PTPRC: variants seen among roughly 807,000 people sequenced by gnomAD.
PTPRC encodes receptor-type tyrosine-protein phosphatase C.
Under a neutral mutation model 155.9 loss-of-function variants are expected in PTPRC, and 44 were observed. The observed-to-expected ratio is 0.28, with a 90% CI of 0.22 to 0.36. PTPRC has a LOEUF of 0.36. Ranked by LOEUF, PTPRC falls within the 10% of genes least tolerant of loss-of-function variation. The pLI is 1.00. For synonymous variants in PTPRC, 525 were observed against 533.1 expected (o/e 0.98, Z 0.21); for missense variants, 1,401 against 1,564.6 (o/e 0.90, Z 1.76).
chr1:198,718,287 A>C lies in PTPRC; in HGVS notation c.1644A>C (p.Thr548=). The C allele has an allele frequency of 6.2e-7, 1 of 1,612,734 alleles. No individual in the cohort carries two copies. The highest frequency in any genetic ancestry group is 8.5e-7 in the Non-Finnish European group (1 of 1,178,862). ...DFRVKDLQYS[T]DYTFKAYFHN... ...GTGTAAAAGATCTTCAATATTCAACAGACTACACTTTTAAGGTAAAAGTAT... is the reference window on the plus strand; with the variant it reads ...GTGTAAAAGATCTTCAATATTCAACCGACTACACTTTTAAGGTAAAAGTAT... Residue 548 remains threonine (T), a synonymous_variant, in exon 14 of 33, where the codon ACA becomes ACC. Coordinates refer to ENST00000442510, the MANE Select transcript of PTPRC (RefSeq NM_002838.5).
intron 2 of PTPRC, among the ~76,000 whole-genome samples, chr1:198,679,396 A>ATTTTTT (rs34684883): frequency 5.5e-5 from 6 of 109,970 alleles, no homozygotes; most frequent in African/African-American, 7.2e-5. Context: ...ACGCCCAGCT[A>ATTTTTT]TTTTTTTTTT....
chr1:198,645,768 C>T (rs1238805637), intron 2 of PTPRC, among the ~76,000 whole-genome samples: 1 of 151,702 alleles, frequency 6.6e-6, no homozygotes, highest in African/African-American at 2.4e-5. Flanking sequence ...CCTTTGAATT[C>T]TTTTAACTTT....
At chr1:198,645,946 T>G (rs1470731174) in intron 2 of PTPRC, among the ~76,000 whole-genome samples, 1 of 151,798 alleles carries the variant, frequency 6.6e-6, no homozygotes, top group East Asian at 1.9e-4. Context: ...ACCAGGATAA[T>G]CTTTGTAAAA....
chr1:198,651,652 TATCTC>T (rs1663258624), intron 2 of PTPRC, among the ~76,000 whole-genome samples: 1 of 151,872 alleles, frequency 6.6e-6, no homozygotes, highest in African/African-American at 2.4e-5. Flanking sequence ...TTATAAATGT[TATCTC>T]ATTTAACAAG....
intron 12 of PTPRC, among the ~76,000 whole-genome samples, chr1:198,716,355 CA>C (rs1331117657): frequency 6.6e-6 from 1 of 152,184 alleles, no homozygotes; most frequent in Non-Finnish European, 1.5e-5. Flanking sequence ...TCAAGACTTA[CA>C]GTATACACTG....
chr1:198,657,617 T>C (rs1013196141), intron 2 of PTPRC: 2 of 152,176 alleles, frequency 1.3e-5, no homozygotes, highest in African/African-American at 4.8e-5. Context: ...AAGCAGAAGT[T>C]GCAAAACATT....
intron 2 of PTPRC, among the ~76,000 whole-genome samples, chr1:198,650,279 C>A (rs897299472): frequency 1.3e-5 from 2 of 151,836 alleles, no homozygotes; most frequent in African/African-American, 4.8e-5. Flanking sequence ...TACAGAATAA[C>A]CTAATCTTCT....
intron 2 of PTPRC, among the ~76,000 whole-genome samples, chr1:198,676,635 TG>T (rs1664970300): frequency 6.6e-6 from 1 of 151,864 alleles, no homozygotes; most frequent in South Asian, 2.1e-4. Context: ...TTCTTGAGAG[TG>T]GGTATCTTTA....
At chr1:198,706,684 A>C (rs780595119) in intron 8 of PTPRC, 50 bp from the exon 9 acceptor site, 4 of 1,564,464 alleles carry the variant, frequency 2.6e-6, no homozygotes, top group Non-Finnish European at 2.6e-6. Context: ...GCATTAATGT[A>C]GTTTTATTTA....
chr1:198,639,298 G>C lies in PTPRC; in HGVS notation c.30G>C (p.Leu10Phe), dbSNP rs1186725402. 1 of 1,613,344 alleles carries C rather than the reference G, an allele frequency of 6.2e-7. No homozygotes were observed. The change falls in exon 2 of 33, where the codon TTG (leucine) becomes TTC (phenylalanine). Residue 10 changes from leucine to phenylalanine, a missense_variant. Around this residue, in one of 3 missense-constraint regions of PTPRC, gnomAD observed 867 missense variants for 970.4 expected, o/e 0.89. Transcript: ENST00000442510. ...CCATGTATTTGTGGCTTAAACTCTT[G>C]GCATTTGGCTTTGCCTTTCTGGACA... Reference protein sequence around the residue: MTMYLWLKLLAFGFAFLDTE... With the variant: MTMYLWLKLFAFGFAFLDTE...
chr1:198,755,841 C>T (rs1655621343), intron 32 of PTPRC, 65 bp from the exon 33 acceptor site: 2 of 1,484,052 alleles, frequency 1.3e-6, no homozygotes, highest in Admixed American at 1.7e-5. Context: ...TGCTAATCTT[C>T]ATCTGGCATA....
intron 25 of PTPRC, among the ~76,000 whole-genome samples, chr1:198,743,149 G>A (rs186822678): frequency 6.7e-6 from 1 of 150,208 alleles, no homozygotes; most frequent in East Asian, 2.0e-4. Context: ...AGGGGAATAG[G>A]AAGACAAAAT....
chr1:198,708,361 CCT>C (rs1471513683), intron 10 of PTPRC, 100 bp downstream of exon 10: 3 of 1,189,420 alleles, frequency 2.5e-6, no homozygotes, highest in Non-Finnish European at 3.6e-6. Flanking sequence ...TTCCTCCCTG[CCT>C]CTCTTGTTCT....
intron 2 of PTPRC, among the ~76,000 whole-genome samples, chr1:198,673,026 G>C (rs1376273466): frequency 6.6e-6 from 1 of 151,960 alleles, no homozygotes; most frequent in African/African-American, 2.4e-5. Flanking sequence ...CTTACATCTT[G>C]CTTTTCAGCC....
intron 2 of PTPRC, among the ~76,000 whole-genome samples, chr1:198,647,393 C>A (rs1571776680): frequency 6.6e-6 from 1 of 151,900 alleles, no homozygotes; most frequent in East Asian, 1.9e-4. Context: ...CAGCTTAACC[C>A]AACTCTGTAT....
At chr1:198,681,826 T>A (rs1374709539) in intron 2 of PTPRC, among the ~76,000 whole-genome samples, 1 of 152,234 alleles carries the variant, frequency 6.6e-6, no homozygotes, top group East Asian at 1.9e-4. Flanking sequence ...GAAATACATT[T>A]TTATTGAAGC....
At chr1:198,732,214 T>A in intron 18 of PTPRC, 86 bp from the exon 19 acceptor site, 1 of 1,006,926 alleles carries the variant, frequency 9.9e-7, no homozygotes, top group South Asian at 1.3e-5. Context: ...TTACAGGATA[T>A]CTCATTTACT....
At position 198,703,363 on chromosome 1, in the gene PTPRC, A is replaced by G. The variant is rs146065363; in HGVS notation, c.649A>G (p.Thr217Ala). 10 of 1,612,756 alleles carry G rather than the reference A, an allele frequency of 6.2e-6. No homozygotes were observed. In the African/African-American group the frequency reaches 1.2e-4, roughly 19 times the overall value. The change falls in exon 7 of 33, where the codon ACA becomes GCA. Residue 217 changes from threonine (T) to alanine (A), a missense_variant. Around this residue, in one of 3 missense-constraint regions of PTPRC, gnomAD observed 867 missense variants for 970.4 expected, o/e 0.89. Coordinates refer to ENST00000442510, the MANE Select transcript of PTPRC (RefSeq NM_002838.5). ...SPSGSAVISTTTIATTPSKPT... is the reference protein window; with the variant it reads ...SPSGSAVISTATIATTPSKPT... ...TTCTGGAAGCGCTGTCATTTCAACC[A>G]CAACAATAGGTGATATTACCCTCAG...
chr1:198,699,289 T>C (rs995634878), intron 4 of PTPRC, among the ~76,000 whole-genome samples: 1 of 152,216 alleles, frequency 6.6e-6, no homozygotes, highest in East Asian at 1.9e-4. Flanking sequence ...AGAAAGCTCA[T>C]AGTGATGTGA....
Sources: allele counts gnomAD v4.1 joint callset (sites outside exome capture counted in the v4.1 genomes callset), GRCh38; gene constraint gnomAD v4.1.1; regional missense constraint gnomAD v4.1.1; transcripts MANE v1.5; gene names NCBI Gene and HGNC (gene_info 2026-07-23, HGNC 2026-07-21).